The following MIPOL1 variants were observed in gnomAD, a reference collection of about 807,000 sequenced individuals.
The protein encoded by MIPOL1 is mirror-image polydactyly 1, also known as mirror-image polydactyly gene 1 protein.
In MIPOL1, 57 loss-of-function variants were observed where a neutral mutation model predicts 60.9. The observed-to-expected ratio is 0.94, with a 90% confidence interval of 0.76 to 1.17. The LOEUF (loss-of-function observed/expected upper bound fraction) is 1.17, where lower values mean the gene tolerates loss of function less well. MIPOL1 is among the 50% of genes most tolerant of loss of function. The pLI is 0.00. For synonymous variants in MIPOL1, 179 were observed against 168.8 expected (o/e 1.06, Z -0.47); for missense variants, 551 against 511.6 (o/e 1.08, Z -0.74).
At chr14:37,520,926 C>CTTTT (rs11299536) in intron 12 of MIPOL1, among the ~76,000 whole-genome samples, 2 of 47,724 alleles carry the variant, frequency 4.2e-5, no homozygotes, top group East Asian at 8.2e-4. Context: ...TAACATTTTA[C>CTTTT]TTTTTTTTTT....
At chr14:37,421,750 ATAGAAAAGTAGC>A in intron 10 of MIPOL1, among the ~76,000 whole-genome samples, 1 of 152,064 alleles carries the variant, frequency 6.6e-6, no homozygotes, top group South Asian at 2.1e-4. Flanking sequence ...TATTATCAAA[ATAGAAAAGTAGC>A]ATTCTGTAAA....
chr14:37,446,131 C>G (rs78578462), intron 11 of MIPOL1, among the ~76,000 whole-genome samples: 2 of 151,816 alleles, frequency 1.3e-5, no homozygotes, highest in African/African-American at 2.4e-5. Flanking sequence ...TCAGAGTGAA[C>G]AGGCAACCTA....
chr14:37,372,450 A>G (rs971013447), intron 10 of MIPOL1, among the ~76,000 whole-genome samples: 2 of 152,062 alleles, frequency 1.3e-5, no homozygotes, highest in African/African-American at 4.8e-5. Flanking sequence ...CATAGGAGGC[A>G]ATTACACTAG....
intron 12 of MIPOL1, among the ~76,000 whole-genome samples, chr14:37,523,078 A>G (rs1225577155): frequency 6.6e-6 from 1 of 152,162 alleles, no homozygotes; most frequent in Non-Finnish European, 1.5e-5. Context: ...AAATGTCTTT[A>G]GAAAGGAATC....
intron 9 of MIPOL1, among the ~76,000 whole-genome samples, chr14:37,335,886 A>G (rs10134672): frequency 0.97 from 147,635 of 152,134 alleles, 71,699 homozygotes; most frequent in East Asian, 1. Context: ...GTGTCCTTTT[A>G]TGCACAAGTT....
intron 12 of MIPOL1, among the ~76,000 whole-genome samples, chr14:37,526,845 G>T (rs901890497): frequency 1.3e-5 from 2 of 152,058 alleles, no homozygotes; most frequent in African/African-American, 2.4e-5. Flanking sequence ...GACAAAAATT[G>T]TCAAATTGTT....
rs546379365 is a variant in MIPOL1, at chr14:37,208,171, G to T, written c.-199+10067G>T. 9.9e-5 allele frequency among the ~76,000 whole-genome samples: 15 copies of T among 152,252 alleles called. No individual in the cohort carries two copies. The South Asian group carries it at 2.3e-3, about 23-fold the overall frequency. Reference sequence around the variant, plus strand: ...GGTAATCTATTCTTGTTATGAATTTGCAGTTCTGTGTTAGGATGGTTTGAT... The same window carrying T: ...GGTAATCTATTCTTGTTATGAATTTTCAGTTCTGTGTTAGGATGGTTTGAT... On this transcript the variant is annotated intron_variant, in intron 1 of 12. Transcript: ENST00000684589.
rs34333538 is a variant in MIPOL1, at chr14:37,521,910, AT to A, written c.1262+21782del. On this transcript the variant is annotated intron_variant, in intron 12 of 12. Transcript: ENST00000684589. ...GAAAAAAAAATATATATATATATATATTTTTTTTTTCTTTGGCTTCAAAAAT... is the reference window on the plus strand; with the variant it reads ...GAAAAAAAAATATATATATATATATATTTTTTTTTCTTTGGCTTCAAAAAT... Among the ~76,000 whole-genome samples the A allele has an allele frequency of 8.6e-3, 1,142 of 132,748 alleles. 28 individuals are homozygous for A. Among genetic ancestry groups the A allele is most frequent in the African/African-American group, 0.027 (983 of 35,906 alleles). The allele number at this position is 132,748 out of a possible 152,430, so 87.1% of individuals were successfully genotyped here. A position where few individuals can be genotyped will look rare whatever the true frequency, so the allele number is the denominator to read the frequency against.
rs553745744 is a variant in MIPOL1 at position 37,276,150 on chromosome 14, T to C, written c.493+5625T>C. ...ATCTATCTTACTGCATTTTAACATG[T>C]AATTCAATGGTTACATAATTTGCTT... On this transcript the variant is annotated intron_variant, in intron 6 of 12. Coordinates refer to ENST00000684589, the MANE Select transcript of MIPOL1 (RefSeq NM_001388067.1). 1.3e-4 allele frequency among the ~76,000 whole-genome samples: 20 copies of C among 151,310 alleles called. No individual in the cohort carries two copies. In the South Asian group the frequency reaches 4.1e-3, roughly 31 times the overall value.
intron 10 of MIPOL1, among the ~76,000 whole-genome samples, chr14:37,390,147 A>T (rs1187635895): frequency 6.6e-6 from 1 of 151,960 alleles, no homozygotes; most frequent in Non-Finnish European, 1.5e-5. Flanking sequence ...TGAACCTAGG[A>T]GGTGGAGGTT....
intron 1 of MIPOL1, 83 bp from the exon 2 acceptor site, chr14:37,247,019 TA>T (rs1178900436): frequency 6.6e-6 from 1 of 152,474 alleles, no homozygotes; most frequent in African/African-American, 2.4e-5. Flanking sequence ...CAATTATTAT[TA>T]ACCTTTTTGG....
intron 10 of MIPOL1, among the ~76,000 whole-genome samples, chr14:37,387,186 T>C (rs928372997): frequency 6.6e-6 from 1 of 151,808 alleles, no homozygotes; most frequent in Non-Finnish European, 1.5e-5. Flanking sequence ...GTGAGGAAAA[T>C]TACTAAAAAC....
intron 11 of MIPOL1, among the ~76,000 whole-genome samples, chr14:37,448,891 A>G (rs544542958): frequency 6.6e-6 from 1 of 152,226 alleles, no homozygotes; most frequent in South Asian, 2.1e-4. Flanking sequence ...TTTCTAATGA[A>G]CGTATAATGT....
At chr14:37,270,184 A>G (rs1280325973) in intron 5 of MIPOL1, among the ~76,000 whole-genome samples, 1 of 152,138 alleles carries the variant, frequency 6.6e-6, no homozygotes, top group South Asian at 2.1e-4. Context: ...TTGCCTGTTC[A>G]TGCACATATA....
At chr14:37,288,248 C>G (rs1412588393) in intron 7 of MIPOL1, among the ~76,000 whole-genome samples, 1 of 151,916 alleles carries the variant, frequency 6.6e-6, no homozygotes, top group Non-Finnish European at 1.5e-5. Flanking sequence ...CTCAAGCAAT[C>G]TGCCCACCTT....
intron 11 of MIPOL1, among the ~76,000 whole-genome samples, chr14:37,499,069 A>C (rs2153612685): frequency 6.6e-6 from 1 of 152,298 alleles, no homozygotes; most frequent in South Asian, 2.1e-4. Flanking sequence ...TTAATAAAAA[A>C]GAACATCTCC....
rs531340619 is a variant in MIPOL1 at position 37,296,353 on chromosome 14, G to A, written c.623+10906G>A. On this transcript the variant is annotated intron_variant, in intron 7 of 12. Transcript: ENST00000684589. ...ACTAAATGCCCACAAGAGAAAGCAG[G>A]AAAGATCTAAAATTGACACCCTAAC... 6.6e-5 allele frequency among the ~76,000 whole-genome samples: 10 copies of A among 152,084 alleles called. No homozygotes were observed. In the South Asian group the frequency reaches 2.1e-3, roughly 32 times the overall value.
intron 9 of MIPOL1, among the ~76,000 whole-genome samples, chr14:37,332,677 A>G (rs1279877480): frequency 1.6e-5 from 2 of 125,012 alleles, no homozygotes; most frequent in Admixed American, 1.8e-4. Flanking sequence ...TGATTATAGG[A>G]TGAATTATCC....
At chr14:37,407,871 A>T (rs1346394917) in intron 10 of MIPOL1, among the ~76,000 whole-genome samples, 2 of 44,382 alleles carry the variant, frequency 4.5e-5, no homozygotes, top group African/African-American at 1.7e-4. Flanking sequence ...TTTTTTGGAG[A>T]CAAGGTCTCA....
Sources: gnomAD v4.1 joint callset for allele counts (sites outside exome capture counted in the v4.1 genomes callset) on GRCh38, gnomAD v4.1.1 for gene constraint, MANE v1.5 for transcripts, NCBI Gene and HGNC (gene_info 2026-07-23, HGNC 2026-07-21) for gene names.